The following AOAH variants were observed in gnomAD, a reference collection of about 807,000 sequenced individuals.
AOAH encodes the protein acyloxyacyl hydrolase (neutrophil).
In AOAH, 64 loss-of-function variants were observed where a neutral mutation model predicts 92.2. That is an observed-to-expected ratio of 0.69 (90% CI 0.57 to 0.86). The LOEUF (loss-of-function observed/expected upper bound fraction) is 0.86. Ranked by LOEUF, AOAH falls within the 40% of genes least tolerant of loss-of-function variation. The probability of loss-of-function intolerance (pLI) is 0.00; values close to 1 mark genes in which losing one functional copy is unlikely to be tolerated. For missense variants in AOAH, 656 were observed against 694.6 expected (o/e 0.94, Z 0.62); for synonymous variants, 263 against 254.5 (o/e 1.03, Z -0.32).
chr7:36,584,606 G>A, intron 12 of AOAH, among the ~76,000 whole-genome samples: 1 of 152,118 alleles, frequency 6.6e-6, no homozygotes, highest in East Asian at 1.9e-4. Flanking sequence ...ATATTTTAAT[G>A]TTAATTGTGT....
At chr7:36,645,638 G>C (rs919292217) in intron 4 of AOAH, among the ~76,000 whole-genome samples, 3 of 152,038 alleles carry the variant, frequency 2.0e-5, no homozygotes, top group Non-Finnish European at 2.9e-5. Flanking sequence ...TCCTACAGTG[G>C]CAATTTTCCA....
chr7:36,635,579 G>A (rs1289353245), intron 5 of AOAH, among the ~76,000 whole-genome samples: 1 of 151,976 alleles, frequency 6.6e-6, no homozygotes, highest in Admixed American at 6.5e-5. Flanking sequence ...TGAGCGGGTG[G>A]GTTTGTGATC....
intron 3 of AOAH, 141 bp downstream of exon 3, chr7:36,673,802 T>G (rs1796074499): frequency 3.4e-6 from 2 of 582,830 alleles, no homozygotes; most frequent in Admixed American, 3.5e-5. Flanking sequence ...AATTTTCCAC[T>G]ATTACTAAGA....
intron 20 of AOAH, among the ~76,000 whole-genome samples, chr7:36,520,491 A>C (rs1218598338): frequency 6.6e-6 from 1 of 152,224 alleles, no homozygotes; most frequent in Non-Finnish European, 1.5e-5. Flanking sequence ...AGCTCACCTG[A>C]GGGTGAGAGT....
At position 36,548,641 on chromosome 7, in the gene AOAH, A is replaced by T. The variant is rs1479887834; in HGVS notation, c.1104T>A (p.Tyr368Ter). Residue 368 changes from tyrosine to a stop codon, truncating the protein, a stop_gained, in exon 15 of 21, where the codon TAT becomes TAA. Coordinates refer to ENST00000617537, the MANE Select transcript of AOAH (RefSeq NM_001637.4). LOFTEE classifies it high-confidence loss of function. ...KVLDYPAIVI[Y>*]AMIGNDVCSG... ...TGCAGACATCATTTCCAATCATGGC[A>T]TATATAACGATGGCGGGATAGTCCA... 5.0e-6 allele frequency: 8 copies of T among 1,613,710 alleles called. No homozygotes were observed. Among genetic ancestry groups the T allele is most frequent in the Admixed American group, 1.7e-5 (1 of 60,002 alleles).
intron 4 of AOAH, among the ~76,000 whole-genome samples, chr7:36,644,051 G>T (rs924045992): frequency 5.9e-5 from 9 of 152,222 alleles, no homozygotes; most frequent in South Asian, 2.1e-4. Context: ...TGAATTACAT[G>T]CTGGGGAAAT....
chr7:36,535,090 GTGTGTGTTTGTGTGTGTCTGTGTC>G (rs1784958394), intron 16 of AOAH, among the ~76,000 whole-genome samples: 1 of 109,626 alleles, frequency 9.1e-6, no homozygotes, highest in African/African-American at 2.9e-5. Flanking sequence ...GTGTCTCTGT[GTGTGTGTTTGTGTGTGTCTGTGTC>G]TGTGTGTGTA....
At chr7:36,568,206 C>T (rs1268912698) in intron 13 of AOAH, among the ~76,000 whole-genome samples, 2 of 152,126 alleles carry the variant, frequency 1.3e-5, no homozygotes, top group Non-Finnish European at 2.9e-5. Flanking sequence ...GTTTGTTATG[C>T]AGATTTAAGT....
chr7:36,528,729 G>T (rs1784526404), intron 19 of AOAH, among the ~76,000 whole-genome samples: 1 of 152,158 alleles, frequency 6.6e-6, no homozygotes, highest in South Asian at 2.1e-4. Flanking sequence ...CAGAGTAGCT[G>T]GGACTACAAG....
intron 3 of AOAH, among the ~76,000 whole-genome samples, chr7:36,663,817 C>G (rs1017096308): frequency 6.6e-6 from 1 of 152,154 alleles, no homozygotes; most frequent in African/African-American, 2.4e-5. Flanking sequence ...GGTAAATACC[C>G]AGCGGTATGA....
At chr7:36,558,892 A>G (rs1279837146) in intron 13 of AOAH, among the ~76,000 whole-genome samples, 1 of 152,212 alleles carries the variant, frequency 6.6e-6, no homozygotes, top group Non-Finnish European at 1.5e-5. Flanking sequence ...CACTTCCTTG[A>G]CCAGGAAAGG....
intron 1 of AOAH, among the ~76,000 whole-genome samples, chr7:36,720,717 C>T (rs370948044): frequency 6.6e-6 from 1 of 152,156 alleles, no homozygotes; most frequent in Non-Finnish European, 1.5e-5. Context: ...TCCAGGTTTT[C>T]GTTTTCCTCT....
intron 19 of AOAH, among the ~76,000 whole-genome samples, chr7:36,524,333 A>G (rs1784271965): frequency 6.6e-6 from 1 of 151,916 alleles, no homozygotes; most frequent in African/African-American, 2.4e-5. Flanking sequence ...TGGAGCCCCC[A>G]TCATGGAATT....
At chr7:36,622,031 A>ATG (rs146594017) in intron 7 of AOAH, among the ~76,000 whole-genome samples, 19 of 151,792 alleles carry the variant, frequency 1.3e-4, no homozygotes, top group Admixed American at 3.3e-4. Flanking sequence ...ATGTGAATGT[A>ATG]TGTGTGTGTG....
At chr7:36,545,883 C>T (rs570824662) in intron 15 of AOAH, among the ~76,000 whole-genome samples, 2 of 152,312 alleles carry the variant, frequency 1.3e-5, no homozygotes, top group South Asian at 2.1e-4. Flanking sequence ...TCCCATTTCC[C>T]ACCACTGCCT....
intron 1 of AOAH, among the ~76,000 whole-genome samples, chr7:36,716,112 C>T (rs1338847044): frequency 1.3e-5 from 2 of 152,104 alleles, no homozygotes; most frequent in African/African-American, 4.8e-5. Flanking sequence ...CTACAATGCA[C>T]TCAAAACAAA....
intron 6 of AOAH, among the ~76,000 whole-genome samples, chr7:36,625,777 A>C (rs1221100875): frequency 6.6e-6 from 1 of 152,158 alleles, no homozygotes; most frequent in South Asian, 2.1e-4. Flanking sequence ...GAGGGGAATG[A>C]AGCTTCCCGA....
chr7:36,625,289 T>A (rs1792571857), intron 6 of AOAH, among the ~76,000 whole-genome samples: 2 of 152,302 alleles, frequency 1.3e-5, no homozygotes, highest in South Asian at 4.1e-4. Context: ...GGTGGTTCAG[T>A]AAAGACTCTG....
intron 1 of AOAH, among the ~76,000 whole-genome samples, chr7:36,706,857 G>C (rs1798447001): frequency 6.6e-6 from 1 of 151,962 alleles, no homozygotes; most frequent in Non-Finnish European, 1.5e-5. Context: ...ACCTCTCCTA[G>C]CCTTCATAGA....
Sources: gnomAD v4.1 joint callset for allele counts (sites outside exome capture counted in the v4.1 genomes callset) on GRCh38, gnomAD v4.1.1 for gene constraint, MANE v1.5 for transcripts, NCBI Gene and HGNC (gene_info 2026-07-23, HGNC 2026-07-21) for gene names.